ZFHX3: variants seen among roughly 807,000 people sequenced by gnomAD.
ZFHX3 encodes zinc finger homeobox protein 3.
A neutral mutation model predicts 279.1 loss-of-function variants in ZFHX3; 42 were observed. The observed-to-expected ratio is 0.15, with a 90% confidence interval of 0.12 to 0.19. The LOEUF (loss-of-function observed/expected upper bound fraction) is 0.19. ZFHX3 is among the 10% of genes least tolerant of loss of function. The pLI is 1.00. For missense variants in ZFHX3, 4,981 were observed against 4,754.0 expected, an observed-to-expected ratio of 1.05 and a Z score of -1.40; for synonymous variants, 2,293 against 1,957.8, an observed-to-expected ratio of 1.17 and a Z score of -4.52.
At chr16:73,686,925 T>C (rs1171400535) in intron 1 of ZFHX3, among the ~76,000 whole-genome samples, 1 of 149,694 alleles carries the variant, frequency 6.7e-6, no homozygotes, top group Non-Finnish European at 1.5e-5. Flanking sequence ...AATGGAACCC[T>C]TTTTTGTACA....
At chr16:73,483,405 A>G (rs1205350339) in intron 2 of ZFHX3, 2 of 455,698 alleles carry the variant, frequency 4.4e-6, no homozygotes, top group Admixed American at 2.4e-5. Context: ...GTAGGGACCA[A>G]AAGGGCTGGA....
chr16:73,013,716 C>T (rs571523937), intron 1 of ZFHX3, among the ~76,000 whole-genome samples: 2 of 152,230 alleles, frequency 1.3e-5, no homozygotes, highest in South Asian at 4.2e-4. Context: ...AATTTCATCT[C>T]GAAGCCTCTT....
At chr16:72,867,394 G>C (rs2038048649) in intron 4 of ZFHX3, among the ~76,000 whole-genome samples, 1 of 152,198 alleles carries the variant, frequency 6.6e-6, no homozygotes, top group Non-Finnish European at 1.5e-5. Flanking sequence ...TGAGCAGGAA[G>C]ATGAGAACGA....
At chr16:73,706,215 C>T (rs112846448) in intron 1 of ZFHX3, among the ~76,000 whole-genome samples, 19 of 152,100 alleles carry the variant, frequency 1.2e-4, no homozygotes, top group African/African-American at 4.6e-4. Context: ...AATCCCAGCA[C>T]TTTGGGAGGC....
Position 73,886,304 on chromosome 16 carries a change from GAA to G in ZFHX3, c.-1608+5345_-1608+5346del, listed in dbSNP as rs374869516. 1.4e-3 allele frequency among the ~76,000 whole-genome samples: 206 copies of G among 148,562 alleles called. 2 individuals carry two copies. In the East Asian group the frequency reaches 0.034, roughly 24 times the overall value. On this transcript the variant is annotated intron_variant, in intron 1 of 17. Transcript: ENST00000641206. The stretch of plus-strand genomic sequence containing the variant: ...ATTAATATTATCAAATTTTAAGAGG[GAA>G]AAAAAAACACCATTCCCATTATTTG...
At chr16:73,407,468 C>A (rs1178182237) in intron 3 of ZFHX3, among the ~76,000 whole-genome samples, 1 of 152,144 alleles carries the variant, frequency 6.6e-6, no homozygotes, top group African/African-American at 2.4e-5. Flanking sequence ...GAGGACACAT[C>A]AGTAGTCCAA....
chr16:73,307,095 A>G (rs905861462), intron 4 of ZFHX3, among the ~76,000 whole-genome samples: 8 of 152,260 alleles, frequency 5.3e-5, no homozygotes, highest in Admixed American at 3.9e-4. Context: ...TCTTATGGTT[A>G]AGATGATCTT....
intron 1 of ZFHX3, among the ~76,000 whole-genome samples, chr16:73,855,502 A>G (rs997062719): frequency 6.6e-6 from 1 of 150,874 alleles, no homozygotes; most frequent in African/African-American, 2.4e-5. Flanking sequence ...GGTTTTTTCC[A>G]GAGGAGGAGG....
intron 4 of ZFHX3, among the ~76,000 whole-genome samples, chr16:73,283,274 G>A (rs1372886164): frequency 6.6e-6 from 1 of 152,158 alleles, no homozygotes; most frequent in South Asian, 2.1e-4. Context: ...AGGTCATTGC[G>A]CTTACTGATG....
At chr16:72,971,392 A>G (rs185982476) in intron 1 of ZFHX3, among the ~76,000 whole-genome samples, 23 of 152,200 alleles carry the variant, frequency 1.5e-4, no homozygotes, top group African/African-American at 5.5e-4. Context: ...TTTGAGCACT[A>G]TTTTTCTGAA....
intron 2 of ZFHX3, among the ~76,000 whole-genome samples, chr16:73,520,097 C>T (rs2019586978): frequency 6.6e-6 from 1 of 152,166 alleles, no homozygotes; most frequent in South Asian, 2.1e-4. Context: ...TCACACCAGG[C>T]ACTTTTTCAC....
chr16:72,835,026 T>C (rs184551046), intron 4 of ZFHX3, among the ~76,000 whole-genome samples: 9 of 152,086 alleles, frequency 5.9e-5, no homozygotes, highest in African/African-American at 2.2e-4. Flanking sequence ...TGACAGAAAT[T>C]TGGAAATTCT....
chr16:73,271,660 G>A (rs1198726930), intron 4 of ZFHX3, among the ~76,000 whole-genome samples: 2 of 152,220 alleles, frequency 1.3e-5, no homozygotes, highest in South Asian at 2.1e-4. Flanking sequence ...AAGATGAAAC[G>A]AGAGGATGGT....
chr16:73,588,711 A>AC (rs979527395), intron 2 of ZFHX3, among the ~76,000 whole-genome samples: 24 of 151,330 alleles, frequency 1.6e-4, no homozygotes, highest in African/African-American at 5.6e-4. Context: ...ACAAAACAAA[A>AC]AAAAAAAAAA....
At chr16:73,039,862 G>C (rs916719508) in intron 1 of ZFHX3, among the ~76,000 whole-genome samples, 8 of 152,090 alleles carry the variant, frequency 5.3e-5, no homozygotes, top group African/African-American at 1.9e-4. Context: ...AGATATCCAG[G>C]AGCAGGAGGG....
chr16:73,201,733 A>C (rs986839508), intron 5 of ZFHX3, among the ~76,000 whole-genome samples: 1 of 152,224 alleles, frequency 6.6e-6, no homozygotes, highest in Non-Finnish European at 1.5e-5. Context: ...ATGAAGATTC[A>C]CTATTTTTGT....
At position 72,783,829 on chromosome 16, in the gene ZFHX3, T is replaced by C. The variant is rs1272261966; in HGVS notation, c.*3335A>G. The C allele has an allele frequency of 6.6e-6, 1 of 152,146 alleles. No homozygotes were observed. The highest frequency in any genetic ancestry group is 1.5e-5 in the Non-Finnish European group (1 of 68,028). The allele number at this position is 152,146 out of a possible 1,614,324, so 9.4% of individuals were successfully genotyped here. A position where few individuals can be genotyped will look rare whatever the true frequency, so the allele number is the denominator to read the frequency against. On this transcript the variant is annotated 3_prime_UTR_variant, in exon 10 of 10. Transcript: ENST00000268489. ...TACAATGCAGCAGACAGGAATAAATTCCCCAAGTGAGATAAAGCTAAACAA... is the reference window on the plus strand; with the variant it reads ...TACAATGCAGCAGACAGGAATAAATCCCCCAAGTGAGATAAAGCTAAACAA...
chr16:73,602,376 T>C (rs889355893), intron 2 of ZFHX3, among the ~76,000 whole-genome samples: 4 of 152,102 alleles, frequency 2.6e-5, no homozygotes, highest in South Asian at 4.1e-4. Flanking sequence ...CATTTTACCA[T>C]GGAATGTGAG....
chr16:73,214,594 G>A (rs2144913439), intron 5 of ZFHX3, among the ~76,000 whole-genome samples: 1 of 152,204 alleles, frequency 6.6e-6, no homozygotes, highest in Non-Finnish European at 1.5e-5. Flanking sequence ...TTGATTCATG[G>A]TGTTGACCTC....
Sources: allele counts gnomAD v4.1 joint callset (sites outside exome capture counted in the v4.1 genomes callset), GRCh38; gene constraint gnomAD v4.1.1; transcripts MANE v1.5; gene names NCBI Gene and HGNC (gene_info 2026-07-23, HGNC 2026-07-21).